Variants in NPAS4 observed in about 807,000 individuals in gnomAD.
NPAS4 encodes neuronal PAS domain-containing protein 4.
A neutral mutation model predicts 64.0 loss-of-function variants in NPAS4; 10 were observed. The observed-to-expected ratio is 0.16, with a 90% CI of 0.10 to 0.26. The LOEUF is 0.26. Among genes scored for constraint, NPAS4 ranks in the 10% least tolerant of loss-of-function variants. NPAS4 has a pLI of 1.00. For missense variants in NPAS4, 886 were observed against 992.6 expected (o/e 0.89, Z 1.44); for synonymous variants, 441 against 411.7 (o/e 1.07, Z -0.86).
upstream of NPAS4, chr11:66,420,985 C>T (rs1856732071): frequency 9.2e-6 from 5 of 543,888 alleles, no homozygotes; most frequent in South Asian, 7.5e-5. Context: ...CTAAAACGAG[C>T]CCCCCACGCC....
the NPAS4 span, among the ~76,000 whole-genome samples, chr11:66,415,404 A>G: frequency 3.3e-5 from 5 of 152,304 alleles, no homozygotes; most frequent in Admixed American, 2.0e-4. Context: ...AAGAGAAACA[A>G]GTGGAGATAT....
chr11:66,411,991 T>G, the NPAS4 span, among the ~76,000 whole-genome samples: 1 of 152,038 alleles, frequency 6.6e-6, no homozygotes, highest in Admixed American at 6.6e-5. Flanking sequence ...ACACAAGGTG[T>G]GGGTAGGTGC....
Position 66,422,829 on chromosome 11 carries a change from G to A in NPAS4, c.586G>A (p.Glu196Lys). The A allele has an allele frequency of 6.2e-7, 1 of 1,614,006 alleles. No homozygotes were observed. Among genetic ancestry groups the A allele is most frequent in the Admixed American group, 1.7e-5 (1 of 60,028 alleles). The change falls in exon 4 of 8, where the codon GAG (glutamate) becomes AAG (lysine). Residue 196 changes from glutamate to lysine, a missense_variant. Transcript: ENST00000311034. ...GTTCACAGCTTTCTGTGCCCCTCTGGAGCCGAGACCCCGCCCAGGTCCTGG... is the reference window on the plus strand; with the variant it reads ...GTTCACAGCTTTCTGTGCCCCTCTGAAGCCGAGACCCCGCCCAGGTCCTGG... Reference protein sequence around the residue: ...PVFTAFCAPLEPRPRPGPGPG... With the variant: ...PVFTAFCAPLKPRPRPGPGPG...
At chr11:66,412,519 G>A in the NPAS4 span, among the ~76,000 whole-genome samples, 68 of 152,346 alleles carry the variant, frequency 4.5e-4, no homozygotes, top group Middle Eastern at 0.017. Context: ...AGCCCCTGCC[G>A]TCTCTGCATA....
rs2134645044 is a variant in NPAS4, at chr11:66,423,706, C to T, written c.937C>T (p.Pro313Ser). 6.2e-7 allele frequency: 1 copy of T among 1,614,110 alleles called. No individual in the cohort carries two copies. The highest frequency in any genetic ancestry group is 1.7e-4 in the Middle Eastern group (1 of 6,060). Residue 313 changes from proline to serine, a missense_variant, in exon 6 of 8, where the codon CCA (proline) becomes TCA (serine). Transcript: ENST00000311034. ...PEGPITANNY[P>S]ISDMEAWSLR... ...GGGACCCATTACTGCCAATAACTACCCAATCAGGTAAGCCACAAGCCAGGG... is the reference window on the plus strand; with the variant it reads ...GGGACCCATTACTGCCAATAACTACTCAATCAGGTAAGCCACAAGCCAGGG...
rs1856761889 is a variant in NPAS4, at chr11:66,422,562, T to A, written c.430+9T>A. 1.9e-6 allele frequency: 3 copies of A among 1,609,352 alleles called. No homozygotes were observed. Among genetic ancestry groups the A allele is most frequent in the South Asian group, 2.2e-5 (2 of 90,994 alleles). On this transcript the variant is annotated intron_variant, in intron 3 of 7. Transcript: ENST00000311034. The stretch of plus-strand genomic sequence containing the variant: ...CTCTGCCCTGGACACTGGTAAGGAC[T>A]CCCTTCTCCCTTCCTCGGTCCAATT...
At chr11:66,411,835 C>G in the NPAS4 span, among the ~76,000 whole-genome samples, 3 of 152,186 alleles carry the variant, frequency 2.0e-5, no homozygotes, top group African/African-American at 7.2e-5. Context: ...ACCACTGGAG[C>G]CTTAAATCCC....
In NPAS4 at chr11:66,423,722, C is replaced by T. The variant is rs750065973; in HGVS notation, c.944+9C>T. On this transcript the variant is annotated intron_variant, in intron 6 of 7. Coordinates refer to ENST00000311034, the MANE Select transcript of NPAS4 (RefSeq NM_178864.4). Reference sequence around the variant, plus strand: ...AATAACTACCCAATCAGGTAAGCCACAAGCCAGGGGACTAGGGGGCAGCTG... The same window carrying T: ...AATAACTACCCAATCAGGTAAGCCATAAGCCAGGGGACTAGGGGGCAGCTG... 6.2e-7 allele frequency: 1 copy of T among 1,614,056 alleles called. No individual in the cohort carries two copies. The highest frequency in any genetic ancestry group is 1.1e-5 in the South Asian group (1 of 91,064).
At chr11:66,410,769 C>T in the NPAS4 span, 3 of 152,360 alleles carry the variant, frequency 2.0e-5, no homozygotes, top group Admixed American at 6.5e-5. Context: ...CTGGGATTTT[C>T]TGAAATTGAG....
chr11:66,418,509 A>G (rs544312808), upstream of NPAS4, among the ~76,000 whole-genome samples: 1 of 152,290 alleles, frequency 6.6e-6, no homozygotes, highest in African/African-American at 2.4e-5. Context: ...GAGCTGGCCT[A>G]GGGAGAGGAG....
chr11:66,424,455 C>T lies in NPAS4; in HGVS notation c.1565C>T (p.Pro522Leu), dbSNP rs770294289. 3.4e-5 allele frequency: 55 copies of T among 1,614,016 alleles called. 1 individual carries two copies. The Admixed American group carries it at 8.7e-4, about 25-fold the overall frequency. ...CCCAGCACAGCCACCTTCCCAGAGCCTCTGGGCAGCCCTGCCCATGAACAG... is the reference window on the plus strand; with the variant it reads ...CCCAGCACAGCCACCTTCCCAGAGCTTCTGGGCAGCCCTGCCCATGAACAG... ...LLPSTATFPE[P>L]LGSPAHEQLT... is the part of the protein sequence containing the mutation. The change falls in exon 7 of 8, where the codon CCT (proline) becomes CTT (leucine). Residue 522 changes from proline to leucine, a missense_variant. Physicochemically the swap from Pro to Leu is moderately conservative, Grantham distance 98. Coordinates refer to ENST00000311034, the MANE Select transcript of NPAS4 (RefSeq NM_178864.4).
the NPAS4 span, among the ~76,000 whole-genome samples, chr11:66,412,814 C>G: frequency 6.6e-6 from 1 of 152,160 alleles, no homozygotes; most frequent in Non-Finnish European, 1.5e-5. Context: ...TTCTCCTCCC[C>G]CGCCACCCTC....
chr11:66,423,364 G>T (rs1034102293), intron 5 of NPAS4, 132 bp downstream of exon 5: 2 of 808,294 alleles, frequency 2.5e-6, no homozygotes, highest in Non-Finnish European at 4.1e-6. Flanking sequence ...ATGCTATAGG[G>T]TGAACATGAA....
In NPAS4 at chr11:66,421,056, C is replaced by A; in HGVS notation, c.-124C>A. On this transcript the variant is annotated 5_prime_UTR_variant, in exon 1 of 8. Transcript: ENST00000311034. ...AGGGGGGCAGCGCAGCCGAGCGGAG[C>A]CCAGGAGAGCAGAGAGCGAGCCTGA... The A allele has an allele frequency of 2.5e-6, 2 of 815,088 alleles. No homozygotes were observed. Among genetic ancestry groups the A allele is most frequent in the Non-Finnish European group, 3.8e-6 (2 of 523,860 alleles). 50.5% of individuals were successfully genotyped at this position (815,088 alleles called of 1,614,324 possible). A position where few individuals can be genotyped will look rare whatever the true frequency, so the allele number is the denominator to read the frequency against.
At position 66,424,064 on chromosome 11, in the gene NPAS4, C is replaced by A; in HGVS notation, c.1174C>A (p.Arg392=). The part of the protein sequence containing the change: ...SVVSASEELP[R]PSKELDFSYL... The stretch of plus-strand genomic sequence containing the variant: ...TGTCTCTGCATCAGAAGAGCTTCCC[C>A]GACCCTCCAAAGAACTGGACTTCAG... The change falls in exon 7 of 8, where the codon CGA becomes AGA. Residue 392 remains arginine (R), a synonymous_variant. Coordinates refer to ENST00000311034, the MANE Select transcript of NPAS4 (RefSeq NM_178864.4). 1 of 1,614,106 alleles carries A rather than the reference C, an allele frequency of 6.2e-7. No homozygotes were observed.
At position 66,422,869 on chromosome 11, in the gene NPAS4, C is replaced by T. The variant is rs764302521; in HGVS notation, c.626C>T (p.Pro209Leu). 4 of 1,612,226 alleles carry T rather than the reference C, an allele frequency of 2.5e-6. No homozygotes were observed. The highest frequency in any genetic ancestry group is 2.7e-5 in the African/African-American group (2 of 74,940). Residue 209 changes from proline (P) to leucine (L), a missense_variant, in exon 4 of 8, where the codon CCT (proline) becomes CTT (leucine). Pro to Leu is a moderately conservative substitution (Grantham distance 98). Coordinates refer to ENST00000311034, the MANE Select transcript of NPAS4 (RefSeq NM_178864.4). ...PRPGPGPGPG[P>L]ASLFLAMFQS... The stretch of plus-strand genomic sequence containing the variant: ...CCAGGTCCTGGCCCTGGCCCTGGCC[C>T]TGCCTCGCTCTTCCTGGCCATGTTC...
Position 66,425,143 on chromosome 11 carries a change from C to T in NPAS4, c.2253C>T (p.His751=). 2 of 1,605,868 alleles carry T rather than the reference C, an allele frequency of 1.2e-6. 1 individual carries two copies. The highest frequency in any genetic ancestry group is 2.2e-5 in the South Asian group (2 of 89,752). The part of the protein sequence containing the change: ...SPCNNLSPED[H]SFLEDLATYE... ...GCAACAACCTGTCCCCAGAAGACCA[C>T]AGCTTCCTGGAGGACCTGGCCACAT... is the stretch of plus-strand genomic sequence containing the variant. Residue 751 remains histidine (H), a synonymous_variant, in exon 7 of 8, where the codon CAC becomes CAT. Transcript: ENST00000311034.
chr11:66,415,856 C>T, the NPAS4 span, among the ~76,000 whole-genome samples: 2 of 152,192 alleles, frequency 1.3e-5, no homozygotes, highest in African/African-American at 4.8e-5. Flanking sequence ...GGTGTCGTGG[C>T]TCACACGTGT....
upstream of NPAS4, among the ~76,000 whole-genome samples, chr11:66,416,483 C>A (rs185343091): frequency 6.6e-6 from 1 of 152,144 alleles, no homozygotes; most frequent in Admixed American, 6.5e-5. Flanking sequence ...TTGGAGGAGG[C>A]CTTGGAGACT....
Sources: gnomAD v4.1 joint callset for allele counts (sites outside exome capture counted in the v4.1 genomes callset) on GRCh38, gnomAD v4.1.1 for gene constraint, MANE v1.5 for transcripts, NCBI Gene and HGNC (gene_info 2026-07-23, HGNC 2026-07-21) for gene names.